Variants in TMEM217 observed in about 807,000 individuals in gnomAD.
TMEM217 encodes transmembrane protein 217.
For missense variants in TMEM217, 204 were observed against 248.8 expected (o/e 0.82, Z 1.21); for synonymous variants, 76 against 88.3 (o/e 0.86, Z 0.78).
chr6:37,254,682 A>G (rs1408177494), intron 1 of TMEM217, among the ~76,000 whole-genome samples: 3 of 152,338 alleles, frequency 2.0e-5, no homozygotes, highest in East Asian at 3.9e-4. Context: ...TCCTTCTTTC[A>G]CTCAGTAAAT....
chr6:37,218,143 C>A, exon 2 of TMEM217: 1 of 1,121,400 alleles, frequency 8.9e-7, no homozygotes, highest in Non-Finnish European at 1.1e-6. Context: ...AACATGATTG[C>A]TTATAGTGGT....
At chr6:37,212,788 G>A, downstream of TMEM217, 1 of 724,734 alleles carries the variant, frequency 1.4e-6, no homozygotes, top group Non-Finnish European at 2.5e-6. Flanking sequence ...GGAGAGGCCA[G>A]TGCTGATATT....
At chr6:37,255,850 T>C (rs1765692465) in intron 1 of TMEM217, among the ~76,000 whole-genome samples, 1 of 152,132 alleles carries the variant, frequency 6.6e-6, no homozygotes, top group Non-Finnish European at 1.5e-5. Context: ...CAATCTCAAT[T>C]TCCCTATTTA....
intron 1 of TMEM217, among the ~76,000 whole-genome samples, chr6:37,234,481 C>T (rs1764381321): frequency 6.6e-6 from 1 of 152,136 alleles, no homozygotes; most frequent in African/African-American, 2.4e-5. Context: ...TGAGGAGTAC[C>T]TGTGCTTATG....
At chr6:37,245,363 C>T (rs1303874670) in intron 1 of TMEM217, among the ~76,000 whole-genome samples, 5 of 152,234 alleles carry the variant, frequency 3.3e-5, no homozygotes, top group Non-Finnish European at 7.3e-5. Flanking sequence ...AGCTATTCTC[C>T]CAAACTGGGG....
chr6:37,243,524 A>T (rs1275851343), intron 1 of TMEM217, among the ~76,000 whole-genome samples: 1 of 152,236 alleles, frequency 6.6e-6, no homozygotes, highest in African/African-American at 2.4e-5. Context: ...AATTGATATG[A>T]GGCTGGCCAT....
chr6:37,256,161 G>C (rs1765715300), intron 1 of TMEM217, among the ~76,000 whole-genome samples: 1 of 152,230 alleles, frequency 6.6e-6, no homozygotes, highest in African/African-American at 2.4e-5. Context: ...CAGGTATCTT[G>C]TCACATGGAT....
At chr6:37,227,691 G>A (rs183978893) in intron 1 of TMEM217, among the ~76,000 whole-genome samples, 1 of 152,030 alleles carries the variant, frequency 6.6e-6, no homozygotes, top group Non-Finnish European at 1.5e-5. Context: ...TGATCCACCC[G>A]CCTCAGCCTC....
At chr6:37,254,646 C>T (rs1167256456) in intron 1 of TMEM217, among the ~76,000 whole-genome samples, 2 of 152,122 alleles carry the variant, frequency 1.3e-5, no homozygotes, top group African/African-American at 2.4e-5. Flanking sequence ...AACATAGAAT[C>T]GAAAGACAAG....
At chr6:37,248,586 AG>A (rs1765227021) in intron 1 of TMEM217, among the ~76,000 whole-genome samples, 1 of 152,206 alleles carries the variant, frequency 6.6e-6, no homozygotes, top group Admixed American at 6.5e-5. Context: ...GAGGGTCCTC[AG>A]GCAAGCCTCT....
At chr6:37,215,631 C>T (rs1763164455), downstream of TMEM217, among the ~76,000 whole-genome samples, 1 of 130,980 alleles carries the variant, frequency 7.6e-6, no homozygotes, top group Non-Finnish European at 1.6e-5. Flanking sequence ...TACAATGCAA[C>T]GTGATAAATG....
intron 1 of TMEM217, among the ~76,000 whole-genome samples, chr6:37,252,611 GTGTGTGTATATA>G (rs1378364586): frequency 0.018 from 1,671 of 91,186 alleles, 83 homozygotes; most frequent in East Asian, 0.06. Flanking sequence ...GTGTGTGTAT[GTGTGTGTATATA>G]TATATATATA....
chr6:37,237,463 G>A lies in TMEM217; in HGVS notation c.-11-18422C>T, dbSNP rs1037249848. Among the ~76,000 whole-genome samples the A allele has an allele frequency of 7.2e-5, 11 of 152,256 alleles. No homozygotes were observed. The East Asian group carries it at 1.3e-3, about 19-fold the overall frequency. On this transcript the variant is annotated intron_variant, in intron 1 of 1. Transcript: ENST00000357219. Reference sequence around the variant, plus strand: ...GACAACACACAACACAAGGCAAGTCGTTTGCAAGAAATTATTGCAAGTCTT... The same window carrying A: ...GACAACACACAACACAAGGCAAGTCATTTGCAAGAAATTATTGCAAGTCTT...
At chr6:37,218,319 C>T in exon 2 of TMEM217, 2 of 1,153,076 alleles carry the variant, frequency 1.7e-6, no homozygotes, top group Non-Finnish European at 2.4e-6. Context: ...CAGGTGTGTG[C>T]CGCCACGCCT....
At position 37,226,923 on chromosome 6, in the gene TMEM217, A is replaced by G. The variant is rs116043822; in HGVS notation, c.-11-7882T>C. On this transcript the variant is annotated intron_variant, in intron 1 of 1. Transcript: ENST00000357219. ...AACAACTCATGTATTGTCTTATGACATATTTTATTATATATTGTCTTAAAT... is the reference window on the plus strand; with the variant it reads ...AACAACTCATGTATTGTCTTATGACGTATTTTATTATATATTGTCTTAAAT... Among the ~76,000 whole-genome samples the G allele has an allele frequency of 2.4e-3, 358 of 152,332 alleles. 2 individuals carry two copies. Among genetic ancestry groups the G allele is most frequent in the African/African-American group, 8.1e-3 (337 of 41,584 alleles).
At chr6:37,224,083 C>T (rs1763679363) in intron 1 of TMEM217, among the ~76,000 whole-genome samples, 1 of 151,418 alleles carries the variant, frequency 6.6e-6, no homozygotes, top group African/African-American at 2.4e-5. Context: ...ACTACAGGCG[C>T]CCACCACCAT....
intron 1 of TMEM217, among the ~76,000 whole-genome samples, chr6:37,255,902 C>A (rs893892994): frequency 2.6e-5 from 4 of 152,134 alleles, no homozygotes; most frequent in African/African-American, 7.2e-5. Context: ...TTTAAAAAAT[C>A]TTGGAGGGGA....
chr6:37,231,740 T>A (rs1764217473), intron 1 of TMEM217, among the ~76,000 whole-genome samples: 1 of 147,612 alleles, frequency 6.8e-6, no homozygotes, highest in South Asian at 2.1e-4. Flanking sequence ...ATATATATAT[T>A]ATATATATTA....
downstream of TMEM217, among the ~76,000 whole-genome samples, chr6:37,217,202 G>C (rs1401231928): frequency 1.3e-5 from 2 of 152,202 alleles, no homozygotes; most frequent in African/African-American, 4.8e-5. Context: ...GCTGAAGCTG[G>C]AGAATCGCTT....
Sources: gnomAD v4.1 joint callset for allele counts (sites outside exome capture counted in the v4.1 genomes callset) on GRCh38, gnomAD v4.1.1 for gene constraint, MANE v1.5 for transcripts, NCBI Gene and HGNC (gene_info 2026-07-23, HGNC 2026-07-21) for gene names.